The following ADAM10 variants were observed in gnomAD, a reference collection of about 807,000 sequenced individuals.
ADAM10 encodes disintegrin and metalloproteinase domain-containing protein 10.
ADAM10 carries 17 observed loss-of-function variants against 90.1 expected under a neutral mutation model. That is an observed-to-expected ratio of 0.19 (90% CI 0.13 to 0.28). The LOEUF (loss-of-function observed/expected upper bound fraction) is 0.28, where lower values mean the gene tolerates loss of function less well. ADAM10 is among the 10% of genes least tolerant of loss of function. The pLI, the probability that ADAM10 is intolerant of heterozygous loss-of-function variation, is 1.00. For synonymous variants in ADAM10, 310 were observed against 298.6 expected (o/e 1.04, Z -0.40); for missense variants, 610 against 914.3 (o/e 0.67, Z 4.29).
chr15:58,664,138 C>G (rs982927189), intron 5 of ADAM10, among the ~76,000 whole-genome samples: 2 of 151,990 alleles, frequency 1.3e-5, no homozygotes, highest in Non-Finnish European at 2.9e-5. Context: ...AATAGTCTTT[C>G]CATATCCTCA....
chr15:58,689,954 A>ACCCCCC (rs768784057), intron 2 of ADAM10, among the ~76,000 whole-genome samples: 3 of 117,628 alleles, frequency 2.6e-5, no homozygotes, highest in Admixed American at 8.5e-5. Context: ...ACCCCCCCCA[A>ACCCCCC]AAAAAAAAAA....
At chr15:58,644,316 G>T (rs1285042696) in intron 6 of ADAM10, among the ~76,000 whole-genome samples, 1 of 148,900 alleles carries the variant, frequency 6.7e-6, no homozygotes, top group Non-Finnish European at 1.5e-5. Context: ...TGCAACCTCT[G>T]CCTCCCAGAT....
Position 58,650,780 on chromosome 15 carries a change from T to C in ADAM10, c.586-4576A>G, listed in dbSNP as rs376895195. Among the ~76,000 whole-genome samples the C allele has an allele frequency of 2.5e-4, 38 of 152,294 alleles. No homozygotes were observed. The South Asian group carries it at 5.4e-3, about 22-fold the overall frequency. ...GTATATGGAAATATACATACACATA[T>C]ATTTTTAAAATATTTTTATTTTCAG... On this transcript the variant is annotated intron_variant, in intron 5 of 15. Coordinates refer to ENST00000260408, the MANE Select transcript of ADAM10 (RefSeq NM_001110.4).
At chr15:58,746,676 CA>C (rs1899801762) in intron 1 of ADAM10, among the ~76,000 whole-genome samples, 1 of 152,106 alleles carries the variant, frequency 6.6e-6, no homozygotes, top group Admixed American at 6.6e-5. Flanking sequence ...TTTGGGAAGC[CA>C]AGGTAGGTGG....
intron 5 of ADAM10, among the ~76,000 whole-genome samples, chr15:58,663,482 G>A (rs1897015607): frequency 1.3e-5 from 2 of 151,946 alleles, no homozygotes; most frequent in African/African-American, 2.4e-5. Context: ...ATACCTCCTA[G>A]GGTAAATCCC....
chr15:58,704,371 G>T (rs1898220693), intron 2 of ADAM10, among the ~76,000 whole-genome samples: 1 of 152,102 alleles, frequency 6.6e-6, no homozygotes, highest in African/African-American at 2.4e-5. Context: ...TGATGGATAT[G>T]GTGACGGTTG....
At chr15:58,616,971 T>C (rs1895632871) in intron 11 of ADAM10, among the ~76,000 whole-genome samples, 1 of 151,922 alleles carries the variant, frequency 6.6e-6, no homozygotes, top group Non-Finnish European at 1.5e-5. Context: ...TAGCCAGGCG[T>C]GGTGGCAGGT....
chr15:58,738,177 G>C (rs1899491624), intron 1 of ADAM10, among the ~76,000 whole-genome samples: 1 of 152,184 alleles, frequency 6.6e-6, no homozygotes, highest in Admixed American at 6.5e-5. Flanking sequence ...GGTACCAACA[G>C]CATTTTTCCC....
intron 2 of ADAM10, among the ~76,000 whole-genome samples, chr15:58,688,786 A>ATATATATATATATATATATATATATCTC: frequency 7.6e-4 from 93 of 122,288 alleles, no homozygotes; most frequent in South Asian, 1.7e-3. Context: ...ATATATATAT[A>ATATATATATATATATATATATATATCTC]TCTCTCTCTC....
intron 4 of ADAM10, 31 bp from the exon 5 acceptor site, chr15:58,665,228 T>A: frequency 6.8e-7 from 1 of 1,469,494 alleles, no homozygotes; most frequent in Non-Finnish European, 9.5e-7. Flanking sequence ...GTCATTACTA[T>A]CACACATTTA....
chr15:58,681,942 C>G (rs1897453480), intron 3 of ADAM10, among the ~76,000 whole-genome samples: 1 of 152,130 alleles, frequency 6.6e-6, no homozygotes, highest in African/African-American at 2.4e-5. Context: ...TTTGAAAACT[C>G]TAACAGTTTA....
intron 3 of ADAM10, among the ~76,000 whole-genome samples, chr15:58,681,899 G>A (rs1304594140): frequency 6.6e-6 from 1 of 151,992 alleles, no homozygotes; most frequent in African/African-American, 2.4e-5. Flanking sequence ...TTCTTACTTG[G>A]AAAATCAGAA....
At position 58,701,004 on chromosome 15, in the gene ADAM10, T is replaced by TA. The variant is rs751224553; in HGVS notation, c.206+16572dup. On this transcript the variant is annotated intron_variant, in intron 2 of 15. Coordinates refer to ENST00000260408, the MANE Select transcript of ADAM10 (RefSeq NM_001110.4). ...TGGGAGACAGAACAAAATTCCAACT[T>TA]AAAAAAAAACAAAAAAACAAAAAAA... Among the ~76,000 whole-genome samples, 42 of 56,954 alleles carry TA rather than the reference T, an allele frequency of 7.4e-4. 1 individual carries two copies. The highest frequency in any genetic ancestry group is 3.0e-3 in the Admixed American group (17 of 5,648). The allele number at this position is 56,954 out of a possible 152,430, so 37.4% of individuals were successfully genotyped here. A position where few individuals can be genotyped will look rare whatever the true frequency, so the allele number is the denominator to read the frequency against.
At chr15:58,735,941 C>T (rs574444035) in intron 1 of ADAM10, among the ~76,000 whole-genome samples, 3 of 152,174 alleles carry the variant, frequency 2.0e-5, no homozygotes, top group Middle Eastern at 3.4e-3. Context: ...GAAATACATG[C>T]TACCTGACAA....
chr15:58,741,074 G>C (rs183510696), intron 1 of ADAM10, among the ~76,000 whole-genome samples: 1 of 152,140 alleles, frequency 6.6e-6, no homozygotes, highest in Non-Finnish European at 1.5e-5. Context: ...AAATCATAGA[G>C]AATTCTATGT....
At chr15:58,713,139 C>T (rs927634065) in intron 2 of ADAM10, among the ~76,000 whole-genome samples, 2 of 152,102 alleles carry the variant, frequency 1.3e-5, no homozygotes, top group African/African-American at 2.4e-5. Context: ...TCACTCTTGT[C>T]GCCCAAGCTG....
intron 2 of ADAM10, among the ~76,000 whole-genome samples, chr15:58,716,090 A>G (rs1242682507): frequency 6.6e-6 from 1 of 152,208 alleles, no homozygotes; most frequent in Non-Finnish European, 1.5e-5. Context: ...TATAACTTAA[A>G]AGTAATTTTT....
intron 1 of ADAM10, among the ~76,000 whole-genome samples, chr15:58,727,210 A>ATTTTG (rs1899067032): frequency 8.7e-6 from 1 of 114,724 alleles, no homozygotes; most frequent in Non-Finnish European, 1.7e-5. Context: ...TTTTTTCCCA[A>ATTTTG]AAACAGCGTT....
At chr15:58,662,958 G>C (rs1489319463) in intron 5 of ADAM10, among the ~76,000 whole-genome samples, 1 of 152,020 alleles carries the variant, frequency 6.6e-6, no homozygotes, top group Non-Finnish European at 1.5e-5. Flanking sequence ...CTGAAATTTC[G>C]ACTCCAGCCA....
Sources: allele counts gnomAD v4.1 joint callset (sites outside exome capture counted in the v4.1 genomes callset), GRCh38; gene constraint gnomAD v4.1.1; transcripts MANE v1.5; gene names NCBI Gene and HGNC (gene_info 2026-07-23, HGNC 2026-07-21).